The following ENTPD6 variants were observed in gnomAD, a reference collection of about 807,000 sequenced individuals.
ENTPD6 encodes the protein CD39 antigen-like 2.
Under a neutral mutation model 61.5 loss-of-function variants are expected in ENTPD6, and 46 were observed. The observed-to-expected ratio is 0.75, with a 90% CI of 0.59 to 0.96. The LOEUF (loss-of-function observed/expected upper bound fraction) is 0.96, where lower values mean the gene tolerates loss of function less well. Among genes scored for constraint, ENTPD6 ranks in the 40% least tolerant of loss-of-function variants. The pLI is 0.00. For synonymous variants in ENTPD6, 252 were observed against 255.5 expected (o/e 0.99, Z 0.13); for missense variants, 612 against 629.0 (o/e 0.97, Z 0.29).
Position 25,216,711 on chromosome 20 carries a change from A to G in ENTPD6, c.773A>G (p.Gln258Arg). 1 of 1,604,976 alleles carries G rather than the reference A, an allele frequency of 6.2e-7. No individual in the cohort carries two copies. The highest frequency in any genetic ancestry group is 8.5e-7 in the Non-Finnish European group (1 of 1,176,258). The part of the protein sequence containing the change: ...GMLDLGGGST[Q>R]IAFLPRVEGT... ...CTGGACTTGGGCGGAGGATCCACTCAGATCGCCTTCCTGCCACGCGTGGAG... is the reference window on the plus strand; with the variant it reads ...CTGGACTTGGGCGGAGGATCCACTCGGATCGCCTTCCTGCCACGCGTGGAG... Residue 258 changes from glutamine (Q) to arginine (R), a missense_variant, in exon 8 of 15, where the codon CAG becomes CGG. By Grantham distance (43) the Gln-to-Arg change is conservative. Transcript: ENST00000376652.
In ENTPD6 at chr20:25,217,597, C is replaced by T; in HGVS notation, c.878+16C>T. On this transcript the variant is annotated intron_variant, in intron 9 of 14. Coordinates refer to ENST00000376652, the MANE Select transcript of ENTPD6 (RefSeq NM_001247.5). ...ATTCCTACAGGTCTGCTTTCGGGAA[C>T]AGGCGTGGGGAGGCGCCATGGGGTG... 1 of 1,613,034 alleles carries T rather than the reference C, an allele frequency of 6.2e-7. No individual in the cohort carries two copies. The highest frequency in any genetic ancestry group is 8.5e-7 in the Non-Finnish European group (1 of 1,179,120).
In ENTPD6 at chr20:25,225,190, G is replaced by A. The variant is rs142821004; in HGVS notation, c.1244-15G>A. On this transcript the variant is annotated splice_polypyrimidine_tract_variant and intron_variant, in intron 13 of 14. Transcript: ENST00000376652. ...GGAGTCACCTGGAGCGTGAAGGGAC[G>A]TGTCTCATCCCCAGTGTGTCGGACC... 3.5e-3 allele frequency: 5,680 copies of A among 1,607,256 alleles called. 19 individuals carry two copies. Among genetic ancestry groups the A allele is most frequent in the Non-Finnish European group, 3.4e-3 (4,015 of 1,177,418 alleles).
At chr20:25,222,318 A>T (rs2092662746) in intron 11 of ENTPD6, 2 of 155,246 alleles carry the variant, frequency 1.3e-5, no homozygotes, top group Non-Finnish European at 2.8e-5. Flanking sequence ...GAAAGCCGGG[A>T]AGCTGGGTCA....
chr20:25,206,502 C>T lies in ENTPD6; in HGVS notation c.-15-20C>T. 1.9e-6 allele frequency: 3 copies of T among 1,593,100 alleles called. No individual in the cohort carries two copies. Among genetic ancestry groups the T allele is most frequent in the East Asian group, 2.2e-5 (1 of 44,734 alleles). Reference sequence around the variant, plus strand: ...TTTGTAGGCTTTGGAAGTACACAGACATTATTTTCTCCTTGGCAGGAATGG... The same window carrying T: ...TTTGTAGGCTTTGGAAGTACACAGATATTATTTTCTCCTTGGCAGGAATGG... On this transcript the variant is annotated intron_variant, in intron 1 of 14. Transcript: ENST00000376652.
At chr20:25,200,061 A>G (rs536528758) in intron 1 of ENTPD6, among the ~76,000 whole-genome samples, 1 of 152,324 alleles carries the variant, frequency 6.6e-6, no homozygotes, top group South Asian at 2.1e-4. Flanking sequence ...CTGTTTTCCA[A>G]GGCAGCTGCA....
In ENTPD6 at chr20:25,221,313, G is replaced by A. The variant is rs747768864; in HGVS notation, c.1025G>A (p.Arg342Lys). 1.2e-6 allele frequency: 2 copies of A among 1,614,202 alleles called. No individual in the cohort carries two copies. The highest frequency in any genetic ancestry group is 1.7e-5 in the Admixed American group (1 of 60,026). ...TGGGAACACGCAGAAGTCACGTACA[G>A]GGTTTCAGGGCAGAAAGCAGGTACG... is the stretch of plus-strand genomic sequence containing the variant. ...GEWEHAEVTY[R>K]VSGQKAAASL... The change falls in exon 11 of 15, where the codon AGG becomes AAG. Residue 342 changes from arginine to lysine, a missense_variant. Transcript: ENST00000376652.
Position 25,213,353 on chromosome 20 carries a change from A to T in ENTPD6, c.544A>T (p.Thr182Ser). Reference protein sequence around the residue: ...WKATPLVLKATAGLRLLPGEK... With the variant: ...WKATPLVLKASAGLRLLPGEK... ...GGCCACCCCTCTGGTCCTCAAGGCCACAGCTGGCTTACGCCTGTTACCTGG... is the reference window on the plus strand; with the variant it reads ...GGCCACCCCTCTGGTCCTCAAGGCCTCAGCTGGCTTACGCCTGTTACCTGG... Residue 182 changes from threonine to serine, a missense_variant, in exon 5 of 15, where the codon ACA becomes TCA. By Grantham distance (58) the Thr-to-Ser change is moderately conservative (BLOSUM62 1). Coordinates refer to ENST00000376652, the MANE Select transcript of ENTPD6 (RefSeq NM_001247.5). 1 of 1,614,190 alleles carries T rather than the reference A, an allele frequency of 6.2e-7. No individual in the cohort carries two copies. Among genetic ancestry groups the T allele is most frequent in the Admixed American group, 1.7e-5 (1 of 60,030 alleles).
intron 1 of ENTPD6, among the ~76,000 whole-genome samples, chr20:25,201,105 A>G (rs892188562): frequency 5.3e-5 from 8 of 152,252 alleles, no homozygotes; most frequent in African/African-American, 1.9e-4. Context: ...GAATTTCCAC[A>G]TAATTGTGAA....
At chr20:25,210,457 G>GC (rs56786067) in intron 4 of ENTPD6, among the ~76,000 whole-genome samples, 41,992 of 151,602 alleles carry the variant, frequency 0.28, 6,574 homozygotes, top group East Asian at 0.61. Flanking sequence ...ACCAGCCTGG[G>GC]CAACAGAGTG....
chr20:25,213,380 G>T lies in ENTPD6; in HGVS notation c.571G>T (p.Glu191Ter). Residue 191 changes from glutamate (E) to a stop codon, truncating the protein, a stop_gained, in exon 5 of 15, where the codon GAA (glutamate) becomes TAA (stop). Transcript: ENST00000376652. LOFTEE classifies it high-confidence loss of function. ...AGCTGGCTTACGCCTGTTACCTGGA[G>T]AAAAGGCCCAGAAGTTACTGCAGAA... is the stretch of plus-strand genomic sequence containing the variant. ...ATAGLRLLPG[E>*]KAQKLLQKVK... The T allele has an allele frequency of 6.2e-7, 1 of 1,613,178 alleles. No individual in the cohort carries two copies. Among genetic ancestry groups the T allele is most frequent in the Non-Finnish European group, 8.5e-7 (1 of 1,179,398 alleles).
chr20:25,225,841 T>C lies in ENTPD6; in HGVS notation c.*244T>C. The C allele has an allele frequency of 2.0e-6, 1 of 498,480 alleles. No homozygotes were observed. Among genetic ancestry groups the C allele is most frequent in the African/African-American group, 1.9e-5 (1 of 51,548 alleles). 30.9% of individuals were successfully genotyped at this position (498,480 alleles called of 1,614,324 possible). On this transcript the variant is annotated 3_prime_UTR_variant, in exon 15 of 15. Coordinates refer to ENST00000376652, the MANE Select transcript of ENTPD6 (RefSeq NM_001247.5). ...GCCACCTGTCTGCCTGGGCTCCAAGTGGGCAGGACCAGGACAGAACCACAG... is the reference window on the plus strand; with the variant it reads ...GCCACCTGTCTGCCTGGGCTCCAAGCGGGCAGGACCAGGACAGAACCACAG...
chr20:25,216,436 T>C (rs888735812), intron 7 of ENTPD6, among the ~76,000 whole-genome samples: 2 of 152,206 alleles, frequency 1.3e-5, no homozygotes, highest in African/African-American at 2.4e-5. Flanking sequence ...AGGTTCATGC[T>C]GTCCCATCAG....
At chr20:25,223,116 G>A (rs2092694117) in intron 12 of ENTPD6, 138 bp downstream of exon 12, 7 of 956,534 alleles carry the variant, frequency 7.3e-6, no homozygotes, top group Non-Finnish European at 1.1e-5. Flanking sequence ...GCCAGAAGCA[G>A]ATTTGAGAAG....
At chr20:25,196,203 G>A in intron 1 of ENTPD6, 1 of 1,187,010 alleles carries the variant, frequency 8.4e-7, no homozygotes, top group Non-Finnish European at 1.0e-6. Flanking sequence ...AGACCCCTCC[G>A]CCCTGGATGA....
At chr20:25,211,766 T>C (rs2091977756) in intron 4 of ENTPD6, among the ~76,000 whole-genome samples, 1 of 152,182 alleles carries the variant, frequency 6.6e-6, no homozygotes, top group Non-Finnish European at 1.5e-5. Context: ...ACCTGACACA[T>C]ACTTCATTAC....
In ENTPD6 at chr20:25,202,107, G is replaced by A. The variant is rs543111232; in HGVS notation, c.-15-4415G>A. Among the ~76,000 whole-genome samples the A allele has an allele frequency of 4.7e-3, 710 of 152,252 alleles. 3 individuals are homozygous for A. Among genetic ancestry groups the A allele is most frequent in the South Asian group, 0.011 (55 of 4,826 alleles). On this transcript the variant is annotated intron_variant, in intron 1 of 14. Coordinates refer to ENST00000376652, the MANE Select transcript of ENTPD6 (RefSeq NM_001247.5). ...ATGTTATTATAATAAGAAATCATAA[G>A]AAAGAGAAAATGTATTTGCTATTTA...
In ENTPD6 at chr20:25,225,513, T is replaced by C; in HGVS notation, c.1371T>C (p.Ile457=). ...RSKVLKLTRK[I]DNVETSWALG... ...GTCTTTTCAAGCTCACTCGGAAAATTGACAATGTTGAGACCAGCTGGGCTC... is the reference window on the plus strand; with the variant it reads ...GTCTTTTCAAGCTCACTCGGAAAATCGACAATGTTGAGACCAGCTGGGCTC... Residue 457 remains isoleucine, a synonymous_variant, in exon 15 of 15, where the codon ATT becomes ATC. Coordinates refer to ENST00000376652, the MANE Select transcript of ENTPD6 (RefSeq NM_001247.5). 6.2e-6 allele frequency: 10 copies of C among 1,613,876 alleles called. No homozygotes were observed. Among genetic ancestry groups the C allele is most frequent in the Non-Finnish European group, 8.5e-6 (10 of 1,179,886 alleles).
intron 3 of ENTPD6, among the ~76,000 whole-genome samples, chr20:25,207,752 T>C (rs1008756566): frequency 3.9e-5 from 6 of 152,276 alleles, no homozygotes; most frequent in Non-Finnish European, 5.9e-5. Context: ...TTCAGTCCCA[T>C]GGGAGCCAGA....
intron 9 of ENTPD6, 136 bp from the exon 10 acceptor site, chr20:25,218,414 T>C (rs557276003): frequency 1.1e-5 from 8 of 739,782 alleles, no homozygotes; most frequent in East Asian, 2.7e-5. Context: ...AACAGGCTTT[T>C]AGAAGGAGCA....
Sources: gnomAD v4.1 joint callset for allele counts (sites outside exome capture counted in the v4.1 genomes callset) on GRCh38, gnomAD v4.1.1 for gene constraint, MANE v1.5 for transcripts, NCBI Gene and HGNC (gene_info 2026-07-23, HGNC 2026-07-21) for gene names.